GNAL: variants seen among roughly 807,000 people sequenced by gnomAD.
GNAL encodes guanine nucleotide-binding protein G(olf) subunit alpha.
Under a neutral mutation model 55.1 loss-of-function variants are expected in GNAL, and 18 were observed. The observed-to-expected ratio is 0.33, with a 90% confidence interval of 0.23 to 0.48. GNAL has a LOEUF of 0.48. GNAL is among the 20% of genes least tolerant of loss of function. GNAL has a pLI of 0.99. For synonymous variants in GNAL, 253 were observed against 237.0 expected (o/e 1.07, Z -0.62); for missense variants, 412 against 614.1 (o/e 0.67, Z 3.48).
chr18:11,842,150 GT>G lies in GNAL; in HGVS notation c.722+17145del, dbSNP rs1165579664. ...ATCATGCCCAGTTAATTTTGTATAT[GT>G]TTTTTTTTTAGTAGAGACAGGGTTT... is the stretch of plus-strand genomic sequence containing the variant. On this transcript the variant is annotated intron_variant, in intron 5 of 11. Transcript: ENST00000334049. 9.1e-4 allele frequency among the ~76,000 whole-genome samples: 135 copies of G among 147,636 alleles called. 2 individuals carry two copies. Among genetic ancestry groups the G allele is most frequent in the African/African-American group, 1.0e-3 (41 of 40,374 alleles).
chr18:11,747,864 C>T (rs768827306), intron 1 of GNAL, among the ~76,000 whole-genome samples: 10 of 152,162 alleles, frequency 6.6e-5, no homozygotes, highest in Non-Finnish European at 1.3e-4. Context: ...TCAGCCTGGA[C>T]CCTCTGCCGG....
At chr18:11,799,863 G>A (rs551317146) in intron 4 of GNAL, among the ~76,000 whole-genome samples, 1 of 152,018 alleles carries the variant, frequency 6.6e-6, no homozygotes, top group Non-Finnish European at 1.5e-5. Context: ...GTGTGCACCT[G>A]TCTGTCTGGT....
Position 11,775,451 on chromosome 18 carries a change from C to T in GNAL, c.624+21506C>T, listed in dbSNP as rs149259686. Among the ~76,000 whole-genome samples the T allele has an allele frequency of 4.2e-3, 641 of 152,374 alleles. 1 individual carries two copies. Among genetic ancestry groups the T allele is most frequent in the Non-Finnish European group, 7.4e-3 (504 of 68,040 alleles). ...CGCCCCCGTGTAGTAGCCACCATGG[C>T]GGTCCCCTGACGGGGTAGATACGTG... On this transcript the variant is annotated intron_variant, in intron 4 of 11. Transcript: ENST00000334049.
chr18:11,884,831 C>CA lies in GNAL; in HGVS notation c.*3698dup. On this transcript the variant is annotated 3_prime_UTR_variant, in exon 12 of 12. Coordinates refer to ENST00000334049, the MANE Select transcript of GNAL (RefSeq NM_182978.4). ...CCAGCCCAGGCTCCAGCAGGAGAGA[C>CA]AAGTAAGGCCCAAGTGTGCCTGAGT... is the stretch of plus-strand genomic sequence containing the variant. 1 of 1,397,842 alleles carries CA rather than the reference C, an allele frequency of 7.2e-7. No individual in the cohort carries two copies. The highest frequency in any genetic ancestry group is 2.9e-5 in the Admixed American group (1 of 33,950). 86.6% of individuals were successfully genotyped at this position (1,397,842 alleles called of 1,614,324 possible). A position where few individuals can be genotyped will look rare whatever the true frequency, so the allele number is the denominator to read the frequency against.
chr18:11,804,690 G>A (rs559496596), intron 4 of GNAL, among the ~76,000 whole-genome samples: 15 of 127,348 alleles, frequency 1.2e-4, no homozygotes, highest in Non-Finnish European at 2.3e-4. Flanking sequence ...GATGGAACAC[G>A]GAGATACTGT....
intron 1 of GNAL, among the ~76,000 whole-genome samples, chr18:11,731,345 T>C (rs1200740096): frequency 6.6e-6 from 1 of 152,134 alleles, no homozygotes; most frequent in Non-Finnish European, 1.5e-5. Context: ...ACGGGGTTTC[T>C]CCATGTTGGC....
chr18:11,751,618 A>G lies in GNAL; in HGVS notation c.377-1235A>G. On this transcript the variant is annotated intron_variant, in intron 1 of 11. Transcript: ENST00000334049. The surrounding 1 kb of genome is among the most constrained non-coding windows in gnomAD (Gnocchi z 4.5). ...GAGCCAACACGGGGCGCGCGCCCAGACGCACTTTCCCGGCTCGGGGTGCAA... is the reference window on the plus strand; with the variant it reads ...GAGCCAACACGGGGCGCGCGCCCAGGCGCACTTTCCCGGCTCGGGGTGCAA... 2 of 985,230 alleles carry G rather than the reference A, an allele frequency of 2.0e-6. No homozygotes were observed. Among genetic ancestry groups the G allele is most frequent in the Admixed American group, 6.1e-5 (1 of 16,282 alleles). 61.0% of individuals were successfully genotyped at this position (985,230 alleles called of 1,614,324 possible).
rs4315401 is a variant in GNAL, at chr18:11,864,708, A to G, written c.851+102A>G. ...GGCTTCATTCCTGAATGTGCATGGC[A>G]GCCCTTTCAGGTAAGAGCAGCTGGG... On this transcript the variant is annotated intron_variant, in intron 7 of 11. Transcript: ENST00000334049. 0.99 allele frequency: 737,524 copies of G among 744,924 alleles called. 365,410 individuals are homozygous for G. The highest frequency in any genetic ancestry group is 1 in the East Asian group (40,232 of 40,232). The allele number at this position is 744,924 out of a possible 1,614,324, so 46.1% of individuals were successfully genotyped here.
chr18:11,690,425 T>A (rs1247659172), intron 1 of GNAL, among the ~76,000 whole-genome samples: 1 of 152,176 alleles, frequency 6.6e-6, no homozygotes, highest in Non-Finnish European at 1.5e-5. Flanking sequence ...GGGTGTGGCC[T>A]GCTGCCTTTT....
At chr18:11,873,941 G>A (rs1372387513) in intron 10 of GNAL, 1 of 152,822 alleles carries the variant, frequency 6.5e-6, no homozygotes, top group Non-Finnish European at 1.5e-5. Context: ...TCTCGTCTCA[G>A]CAGCTGCCAC....
intron 4 of GNAL, among the ~76,000 whole-genome samples, chr18:11,776,566 C>A (rs2033790026): frequency 6.6e-6 from 1 of 151,814 alleles, no homozygotes; most frequent in Admixed American, 6.6e-5. Context: ...AAATTAACTA[C>A]CCATGCTGGT....
intron 4 of GNAL, among the ~76,000 whole-genome samples, chr18:11,784,915 G>A (rs1023242863): frequency 4.6e-5 from 7 of 152,196 alleles, no homozygotes; most frequent in East Asian, 1.9e-4. Flanking sequence ...ACAAAGAATT[G>A]AGTTTAGAAA....
At chr18:11,715,391 G>A (rs550361758) in intron 1 of GNAL, among the ~76,000 whole-genome samples, 54 of 150,104 alleles carry the variant, frequency 3.6e-4, no homozygotes, top group African/African-American at 1.3e-3. Context: ...AACCCGGGAG[G>A]CAGAGCTTGC....
At chr18:11,736,303 G>C (rs547242677) in intron 1 of GNAL, among the ~76,000 whole-genome samples, 1 of 152,180 alleles carries the variant, frequency 6.6e-6, no homozygotes, top group Non-Finnish European at 1.5e-5. Context: ...GCCAAGGCGG[G>C]AGGATCACTT....
intron 4 of GNAL, among the ~76,000 whole-genome samples, chr18:11,792,173 C>T (rs2034256849): frequency 6.6e-6 from 1 of 151,838 alleles, no homozygotes. Flanking sequence ...TGTTTCCTTC[C>T]TCCCTCCCTC....
At chr18:11,768,213 G>A (rs1285288898) in intron 4 of GNAL, among the ~76,000 whole-genome samples, 3 of 152,136 alleles carry the variant, frequency 2.0e-5, no homozygotes, top group Middle Eastern at 3.2e-3. Flanking sequence ...TATCAACACC[G>A]TACTCAGGAC....
chr18:11,752,121 C>A lies in GNAL; in HGVS notation c.377-732C>A. 1 of 200,708 alleles carries A rather than the reference C, an allele frequency of 5.0e-6. No individual in the cohort carries two copies. Among genetic ancestry groups the A allele is most frequent in the Non-Finnish European group, 9.7e-6 (1 of 103,392 alleles). 12.4% of individuals were successfully genotyped at this position (200,708 alleles called of 1,614,324 possible). A position where few individuals can be genotyped will look rare whatever the true frequency, so the allele number is the denominator to read the frequency against. ...GCTGCGCCACCTCGGCTGTCTCCAG[C>A]GGAGACCGGCGCCCTCGCCCCCCGT... On this transcript the variant is annotated intron_variant, in intron 1 of 11. Transcript: ENST00000334049. The surrounding 1 kb of genome is among the most constrained non-coding windows in gnomAD (Gnocchi z 4.5).
intron 4 of GNAL, among the ~76,000 whole-genome samples, chr18:11,822,287 G>A (rs2035118331): frequency 6.6e-6 from 1 of 151,878 alleles, no homozygotes; most frequent in Non-Finnish European, 1.5e-5. Flanking sequence ...CCCCCCCACC[G>A]CCAAATCTCA....
chr18:11,711,296 T>C (rs925728701), intron 1 of GNAL, among the ~76,000 whole-genome samples: 1 of 152,226 alleles, frequency 6.6e-6, no homozygotes, highest in Non-Finnish European at 1.5e-5. Context: ...ATAAGCTTTC[T>C]TCCTCAGTTT....
Sources: gnomAD v4.1 joint callset for allele counts (sites outside exome capture counted in the v4.1 genomes callset) on GRCh38, gnomAD v4.1.1 for gene constraint, Gnocchi (gnomAD v3.1) non-coding constraint, MANE v1.5 for transcripts, NCBI Gene and HGNC (gene_info 2026-07-23, HGNC 2026-07-21) for gene names.